Variants in SLC25A24 observed in about 807,000 individuals in gnomAD.
The protein encoded by SLC25A24 is solute carrier family 25 member 24.
In SLC25A24, 49 loss-of-function variants were observed where a neutral mutation model predicts 60.7. That is an observed-to-expected ratio of 0.81 (90% confidence interval 0.64 to 1.02). The LOEUF is 1.02. Among genes scored for constraint, SLC25A24 ranks in the 50% least tolerant of loss-of-function variants. SLC25A24 has a pLI of 0.00. For missense variants in SLC25A24, 564 were observed against 586.3 expected (o/e 0.96, Z 0.39); for synonymous variants, 202 against 200.6 (o/e 1.01, Z -0.06).
intron 9 of SLC25A24, among the ~76,000 whole-genome samples, chr1:108,138,634 T>G (rs1679356320): frequency 6.6e-6 from 1 of 152,180 alleles, no homozygotes. Context: ...ACCAAAAATT[T>G]AACAAACCCA....
At chr1:108,179,855 G>A (rs2101635794) in intron 3 of SLC25A24, among the ~76,000 whole-genome samples, 1 of 152,130 alleles carries the variant, frequency 6.6e-6, no homozygotes, top group East Asian at 1.9e-4. Context: ...TAAGAGAATG[G>A]ATGTAAAGTG....
At chr1:108,165,986 C>T (rs1680241450) in intron 3 of SLC25A24, among the ~76,000 whole-genome samples, 1 of 152,080 alleles carries the variant, frequency 6.6e-6, no homozygotes, top group Non-Finnish European at 1.5e-5. Flanking sequence ...TAGGGCAGGC[C>T]TGGTGGTGAC....
At chr1:108,199,708 G>C in intron 1 of SLC25A24, 2 of 555,918 alleles carry the variant, frequency 3.6e-6, no homozygotes, top group Non-Finnish European at 6.3e-6. Context: ...CCGTGGGCCA[G>C]AGTGTCCACA....
intron 3 of SLC25A24, among the ~76,000 whole-genome samples, chr1:108,168,614 C>G (rs1647319377): frequency 6.6e-6 from 1 of 152,232 alleles, no homozygotes; most frequent in South Asian, 2.1e-4. Context: ...TGTTGAGCAT[C>G]TCTTACCATG....
At chr1:108,146,463 G>C (rs1571280209) in intron 7 of SLC25A24, among the ~76,000 whole-genome samples, 3 of 152,322 alleles carry the variant, frequency 2.0e-5, no homozygotes, top group Admixed American at 2.0e-4. Context: ...TTGAATAGGA[G>C]TGCTGACAGA....
chr1:108,160,877 T>G (rs1680054735), intron 4 of SLC25A24, among the ~76,000 whole-genome samples: 2 of 152,006 alleles, frequency 1.3e-5, no homozygotes, highest in Non-Finnish European at 2.9e-5. Flanking sequence ...GCAGGGAGGT[T>G]GCAGTGAGCC....
intron 9 of SLC25A24, among the ~76,000 whole-genome samples, chr1:108,138,793 C>A (rs762004105): frequency 4.0e-5 from 6 of 151,198 alleles, no homozygotes; most frequent in East Asian, 1.9e-4. Flanking sequence ...GTAACACAGT[C>A]AAAAAAAATA....
Position 108,136,518 on chromosome 1 carries a change from C to A in SLC25A24, c.*135G>T. ...AATTTAGCCCAAAAGTTTGAAGTGA[C>A]CATTGTTACCATCTTCCCTTTTGTG... On this transcript the variant is annotated 3_prime_UTR_variant, in exon 10 of 10. Transcript: ENST00000565488. 1 of 673,220 alleles carries A rather than the reference C, an allele frequency of 1.5e-6. No individual in the cohort carries two copies. The highest frequency in any genetic ancestry group is 2.5e-6 in the Non-Finnish European group (1 of 396,896). The allele number at this position is 673,220 out of a possible 1,614,324, so 41.7% of individuals were successfully genotyped here.
rs768258052 is a variant in SLC25A24, at chr1:108,139,170, A to G, written c.1137T>C (p.Asp379=). ...ACACCATGACTCCAGGGTTTACAGAATCTTTTGCAAAATTATCCAGCCAAT... is the reference window on the plus strand; with the variant it reads ...ACACCATGACTCCAGGGTTTACAGAGTCTTTTGCAAAATTATCCAGCCAAT... ...KSYWLDNFAK[D]SVNPGVMVLL... The change falls in exon 9 of 10, where the codon GAT becomes GAC. Residue 379 remains aspartate, a synonymous_variant. Coordinates refer to ENST00000565488, the MANE Select transcript of SLC25A24 (RefSeq NM_013386.5). The G allele has an allele frequency of 6.2e-7, 1 of 1,608,818 alleles. No homozygotes were observed. The highest frequency in any genetic ancestry group is 8.5e-7 in the Non-Finnish European group (1 of 1,177,658).
At chr1:108,156,735 G>A (rs552812616) in intron 5 of SLC25A24, among the ~76,000 whole-genome samples, 14 of 152,202 alleles carry the variant, frequency 9.2e-5, no homozygotes, top group African/African-American at 3.4e-4. Context: ...ATTCTTATTA[G>A]ATATTCTTAT....
chr1:108,156,276 TTTC>T, intron 5 of SLC25A24, among the ~76,000 whole-genome samples: 1 of 152,174 alleles, frequency 6.6e-6, no homozygotes, highest in Non-Finnish European at 1.5e-5. Context: ...TATGTGAGTC[TTTC>T]TAGAGAAGTA....
In SLC25A24 at chr1:108,160,275, G is replaced by A. The variant is rs1268459981; in HGVS notation, c.510+907C>T. 1.1e-4 allele frequency among the ~76,000 whole-genome samples: 16 copies of A among 150,788 alleles called. No individual in the cohort carries two copies. The East Asian group carries it at 2.6e-3, about 24-fold the overall frequency. On this transcript the variant is annotated intron_variant, in intron 4 of 9. Coordinates refer to ENST00000565488, the MANE Select transcript of SLC25A24 (RefSeq NM_013386.5). ...CAGAGGCGCTCCCCACATCTCAGAC[G>A]ATGGGCGGCCGGGCAGAGACGCTCC...
At chr1:108,167,530 T>C (rs1647236369) in intron 3 of SLC25A24, among the ~76,000 whole-genome samples, 1 of 152,262 alleles carries the variant, frequency 6.6e-6, no homozygotes, top group Non-Finnish European at 1.5e-5. Context: ...AAGCGCAGTA[T>C]TCAGGTGGGA....
intron 3 of SLC25A24, among the ~76,000 whole-genome samples, chr1:108,176,547 A>C (rs913992327): frequency 6.6e-6 from 1 of 152,222 alleles, no homozygotes; most frequent in Non-Finnish European, 1.5e-5. Context: ...ATCAGATTCA[A>C]TCCAAACAAG....
At chr1:108,157,645 C>T (rs1679940428) in intron 4 of SLC25A24, 25 bp from the exon 5 acceptor site, 3 of 1,599,386 alleles carry the variant, frequency 1.9e-6, no homozygotes, top group Non-Finnish European at 2.6e-6. Context: ...AAAAGATCCC[C>T]ATGCGCCTTA....
intron 5 of SLC25A24, 100 bp downstream of exon 5, chr1:108,157,361 AT>A: frequency 7.8e-7 from 1 of 1,283,212 alleles, no homozygotes; most frequent in Non-Finnish European, 1.1e-6. Flanking sequence ...GGTATAAAAG[AT>A]TATTACTGAG....
chr1:108,154,138 A>T (rs1020174), intron 6 of SLC25A24, among the ~76,000 whole-genome samples: 73,466 of 147,070 alleles, frequency 0.5, 18,972 homozygotes, highest in African/African-American at 0.62. Flanking sequence ...GACTTCGTAA[A>T]CTTCTCAAGA....
intron 9 of SLC25A24, among the ~76,000 whole-genome samples, chr1:108,137,461 T>A (rs1369523782): frequency 6.6e-6 from 1 of 152,176 alleles, no homozygotes; most frequent in Non-Finnish European, 1.5e-5. Flanking sequence ...CCATGTGCTA[T>A]GGAGATGCAG....
chr1:108,181,312 G>A (rs993167120), intron 3 of SLC25A24, among the ~76,000 whole-genome samples: 1 of 152,040 alleles, frequency 6.6e-6, no homozygotes, highest in Non-Finnish European at 1.5e-5. Flanking sequence ...TCTGTTTTAC[G>A]TTATCATAAA....
Sources: allele counts gnomAD v4.1 joint callset (sites outside exome capture counted in the v4.1 genomes callset), GRCh38; gene constraint gnomAD v4.1.1; transcripts MANE v1.5; gene names NCBI Gene and HGNC (gene_info 2026-07-23, HGNC 2026-07-21).